The following COL13A1 variants were observed in gnomAD, a reference collection of about 807,000 sequenced individuals.
The protein encoded by COL13A1 is collagen alpha-1(XIII) chain.
Under a neutral mutation model 130.9 loss-of-function variants are expected in COL13A1, and 89 were observed. The ratio of observed to expected loss-of-function variants is 0.68; its 90% confidence interval spans 0.57 to 0.81. The LOEUF (loss-of-function observed/expected upper bound fraction) is 0.81. COL13A1 is among the 30% of genes least tolerant of loss of function. The pLI, the probability that COL13A1 is intolerant of heterozygous loss-of-function variation, is 0.00. For synonymous variants in COL13A1, 402 were observed against 341.6 expected (o/e 1.18, Z -1.95); for missense variants, 879 against 934.6 (o/e 0.94, Z 0.78).
chr10:69,876,468 G>A (rs2059578887), intron 5 of COL13A1, among the ~76,000 whole-genome samples: 1 of 152,170 alleles, frequency 6.6e-6, no homozygotes, highest in South Asian at 2.1e-4. Context: ...GCTCTCCCCA[G>A]CGCCCACCTA....
chr10:69,944,692 A>C lies in COL13A1; in HGVS notation c.1968+514A>C, dbSNP rs548783723. Among the ~76,000 whole-genome samples, 11 of 144,408 alleles carry C rather than the reference A, an allele frequency of 7.6e-5. No homozygotes were observed. In the East Asian group the frequency reaches 2.1e-3, roughly 28 times the overall value. The allele number at this position is 144,408 out of a possible 152,430, so 94.7% of individuals were successfully genotyped here. On this transcript the variant is annotated intron_variant, in intron 36 of 40. Coordinates refer to ENST00000645393, the MANE Select transcript of COL13A1 (RefSeq NM_001368882.1). The stretch of plus-strand genomic sequence containing the variant: ...AAAAAATGAAAAAGAAAAAGAAAGA[A>C]AGAAAGAAAAAGAAAAAGAAAAAAG...
At chr10:69,802,778 A>G in intron 1 of COL13A1, 61 bp downstream of exon 1, 1 of 1,593,958 alleles carries the variant, frequency 6.3e-7, no homozygotes, top group Non-Finnish European at 8.6e-7. Flanking sequence ...CGCAGCCTCC[A>G]GACTGTTCAG....
chr10:69,930,343 C>T, intron 29 of COL13A1, 57 bp from the exon 30 acceptor site: 1 of 1,498,584 alleles, frequency 6.7e-7, no homozygotes, highest in Non-Finnish European at 9.0e-7. Flanking sequence ...CTCTCTCTCC[C>T]TCTCTCCTCT....
intron 5 of COL13A1, among the ~76,000 whole-genome samples, chr10:69,875,559 G>C (rs71480615): frequency 1.3e-5 from 2 of 152,186 alleles, no homozygotes; most frequent in Admixed American, 6.5e-5. Flanking sequence ...ACCACCCCTC[G>C]GTGGAGCCAG....
At chr10:69,917,363 G>A (rs1048796522) in intron 18 of COL13A1, 30 bp downstream of exon 18, 9 of 1,591,526 alleles carry the variant, frequency 5.7e-6, no homozygotes, top group Admixed American at 3.4e-5. Context: ...ATCCCAGGCA[G>A]CCCCAAGGCC....
rs762247152 is a variant in COL13A1 at position 69,937,696 on chromosome 10, G to A, written c.1859G>A (p.Arg620His). Residue 620 changes from arginine (R) to histidine (H), a missense_variant, in exon 34 of 41, where the codon CGT becomes CAT. Around this residue, in one of 3 missense-constraint regions of COL13A1, gnomAD observed 96 missense variants for 147.7 expected, o/e 0.65. Transcript: ENST00000645393. ...GGCTTCCAGGGAGAAAAAGGAGACCGTGGTCCCCTGGGACTACCCGTAAGT... is the reference window on the plus strand; with the variant it reads ...GGCTTCCAGGGAGAAAAAGGAGACCATGGTCCCCTGGGACTACCCGTAAGT... The part of the protein sequence containing the change: ...EKGFQGEKGD[R>H]GPLGLPGASG... 2.4e-5 allele frequency: 38 copies of A among 1,556,804 alleles called. No individual in the cohort carries two copies. The highest frequency in any genetic ancestry group is 2.0e-4 in the Admixed American group (12 of 59,928).
chr10:69,831,924 T>C (rs1442481435), intron 2 of COL13A1, among the ~76,000 whole-genome samples: 3 of 152,158 alleles, frequency 2.0e-5, no homozygotes, highest in African/African-American at 7.2e-5. Context: ...CCTACCTTGT[T>C]GGACTGATGG....
At chr10:69,930,935 G>A (rs901241960) in intron 30 of COL13A1, among the ~76,000 whole-genome samples, 6 of 152,214 alleles carry the variant, frequency 3.9e-5, no homozygotes, top group Non-Finnish European at 5.9e-5. Context: ...CCCTATACCC[G>A]GGAGAGGCTG....
chr10:69,853,813 C>A (rs537022681), intron 2 of COL13A1, among the ~76,000 whole-genome samples: 6 of 152,278 alleles, frequency 3.9e-5, no homozygotes, highest in East Asian at 1.9e-4. Flanking sequence ...GACCATATTC[C>A]GTGCACACCG....
intron 38 of COL13A1, among the ~76,000 whole-genome samples, chr10:69,951,927 T>A (rs2136313198): frequency 6.6e-6 from 1 of 152,324 alleles, no homozygotes; most frequent in East Asian, 1.9e-4. Context: ...GCCCCCTTTT[T>A]AGGAAACACA....
intron 17 of COL13A1, among the ~76,000 whole-genome samples, chr10:69,915,985 G>A (rs954683582): frequency 2.6e-5 from 4 of 152,282 alleles, no homozygotes; most frequent in African/African-American, 9.6e-5. Context: ...TCAACAGCAG[G>A]CCAAGGATGT....
intron 2 of COL13A1, among the ~76,000 whole-genome samples, chr10:69,850,755 C>T (rs1252565980): frequency 1.3e-5 from 2 of 151,890 alleles, no homozygotes; most frequent in Admixed American, 6.5e-5. Context: ...GGCAACAGAC[C>T]GGGCAAAGGA....
At chr10:69,923,902 G>A (rs1376759306) in intron 24 of COL13A1, 47 bp downstream of exon 24, 4 of 1,593,180 alleles carry the variant, frequency 2.5e-6, no homozygotes, top group Non-Finnish European at 3.4e-6. Flanking sequence ...GGGTCAGCTT[G>A]GGAGGTCAAG....
At chr10:69,877,619 C>CT (rs2059695753) in intron 5 of COL13A1, 1 of 185,842 alleles carries the variant, frequency 5.4e-6, no homozygotes, top group Non-Finnish European at 1.1e-5. Context: ...ATCTTGTTCT[C>CT]TTTTCTCTAT....
chr10:69,876,206 G>A (rs1236701730), intron 5 of COL13A1, among the ~76,000 whole-genome samples: 2 of 152,220 alleles, frequency 1.3e-5, no homozygotes, highest in Non-Finnish European at 2.9e-5. Flanking sequence ...CTCTTCCGAT[G>A]AGAAAACCAA....
chr10:69,867,437 G>C lies in COL13A1; in HGVS notation c.365-361G>C, dbSNP rs141144622. Among the ~76,000 whole-genome samples the C allele has an allele frequency of 9.4e-3, 1,437 of 152,344 alleles. 21 individuals carry two copies. The highest frequency in any genetic ancestry group is 0.033 in the African/African-American group (1,360 of 41,584). On this transcript the variant is annotated intron_variant, in intron 2 of 40. Coordinates refer to ENST00000645393, the MANE Select transcript of COL13A1 (RefSeq NM_001368882.1). ...GGATCTGTTATTTCCGCCTTTCTCA[G>C]TGTGCCTCGCTGCCCACTGTCCCGT...
chr10:69,927,014 G>T, intron 26 of COL13A1, 73 bp from the exon 27 acceptor site: 1 of 1,605,856 alleles, frequency 6.2e-7, no homozygotes, highest in South Asian at 1.1e-5. Context: ...ATGTTTCCAT[G>T]ACTGTGCAGT....
chr10:69,958,745 A>G lies in COL13A1; in HGVS notation c.*44A>G, dbSNP rs150939647. 854 of 1,611,878 alleles carry G rather than the reference A, an allele frequency of 5.3e-4. 3 individuals carry two copies. Among genetic ancestry groups the G allele is most frequent in the African/African-American group, 4.0e-3 (300 of 74,976 alleles). On this transcript the variant is annotated 3_prime_UTR_variant, in exon 41 of 41. Coordinates refer to ENST00000645393, the MANE Select transcript of COL13A1 (RefSeq NM_001368882.1). ...GGCCTGTGTGTGTGTTTGTACATAG[A>G]ATATTTATTTTTATACAGTTTTCAC...
At chr10:69,828,072 C>T (rs572740418) in intron 2 of COL13A1, among the ~76,000 whole-genome samples, 2 of 152,280 alleles carry the variant, frequency 1.3e-5, no homozygotes, top group East Asian at 3.9e-4. Flanking sequence ...TTTCAGGTAG[C>T]TCCAAAACCC....
Sources: allele counts gnomAD v4.1 joint callset (sites outside exome capture counted in the v4.1 genomes callset), GRCh38; gene constraint gnomAD v4.1.1; regional missense constraint gnomAD v4.1.1; transcripts MANE v1.5; gene names NCBI Gene and HGNC (gene_info 2026-07-23, HGNC 2026-07-21).